Variants in CTNNBL1 observed in about 807,000 individuals in gnomAD.
CTNNBL1 encodes beta-catenin-like protein 1.
A neutral mutation model predicts 72.7 loss-of-function variants in CTNNBL1; 31 were observed. The ratio of observed to expected loss-of-function variants is 0.43; its 90% CI spans 0.32 to 0.58. The LOEUF is 0.58. Ranked by LOEUF, CTNNBL1 falls within the 20% of genes least tolerant of loss-of-function variation. The probability of loss-of-function intolerance (pLI) is 0.08; values close to 1 mark genes in which losing one functional copy is unlikely to be tolerated. For missense variants in CTNNBL1, 534 were observed against 725.1 expected (o/e 0.74, Z 3.03); for synonymous variants, 240 against 267.3 (o/e 0.90, Z 1.00).
chr20:37,699,144 T>A (rs2072818396), intron 1 of CTNNBL1, among the ~76,000 whole-genome samples: 2 of 152,234 alleles, frequency 1.3e-5, no homozygotes, highest in Non-Finnish European at 2.9e-5. Flanking sequence ...ATCTAAATCC[T>A]CATAACAACC....
Position 37,732,746 on chromosome 20 carries a change from T to A in CTNNBL1, c.31-133T>A, listed in dbSNP as rs2073140040. The A allele has an allele frequency of 2.8e-5, 19 of 681,038 alleles. No individual in the cohort carries two copies. In the South Asian group the frequency reaches 4.5e-4, roughly 16 times the overall value. 42.2% of individuals were successfully genotyped at this position (681,038 alleles called of 1,614,324 possible). A position where few individuals can be genotyped will look rare whatever the true frequency, so the allele number is the denominator to read the frequency against. On this transcript the variant is annotated intron_variant, in intron 1 of 15. Coordinates refer to ENST00000361383, the MANE Select transcript of CTNNBL1 (RefSeq NM_030877.5). ...AGGGTTTTACCATGTTGCCTCAGGC[T>A]GGTCTCAAACTCCTGGGCTCAAGAG...
chr20:37,722,237 G>C (rs1430129307), intron 1 of CTNNBL1, among the ~76,000 whole-genome samples: 4 of 152,118 alleles, frequency 2.6e-5, no homozygotes, highest in African/African-American at 9.7e-5. Context: ...ACTTTTGGAG[G>C]CCAAGGCAGG....
intron 10 of CTNNBL1, among the ~76,000 whole-genome samples, chr20:37,789,131 AT>A (rs1472918479): frequency 2.6e-5 from 4 of 152,214 alleles, no homozygotes; most frequent in Non-Finnish European, 5.9e-5. Flanking sequence ...GGAATTTCTC[AT>A]TTGCTCACAT....
At chr20:37,702,289 T>G (rs2122543429) in intron 1 of CTNNBL1, among the ~76,000 whole-genome samples, 1 of 152,376 alleles carries the variant, frequency 6.6e-6, no homozygotes, top group South Asian at 2.1e-4. Context: ...CATTATTTTC[T>G]TCTTGTGTGA....
chr20:37,717,819 A>G (rs923864068), intron 1 of CTNNBL1, among the ~76,000 whole-genome samples: 1 of 152,146 alleles, frequency 6.6e-6, no homozygotes, highest in African/African-American at 2.4e-5. Context: ...CTTAAGGAGC[A>G]TGCTGCCTTC....
intron 11 of CTNNBL1, among the ~76,000 whole-genome samples, chr20:37,831,557 G>A (rs924521075): frequency 1.3e-5 from 2 of 152,010 alleles, no homozygotes; most frequent in African/African-American, 4.8e-5. Flanking sequence ...TAGTAGTGAC[G>A]GGGTTTTACC....
intron 4 of CTNNBL1, among the ~76,000 whole-genome samples, chr20:37,756,829 T>C (rs919095860): frequency 6.6e-6 from 1 of 151,328 alleles, no homozygotes; most frequent in African/African-American, 2.4e-5. Flanking sequence ...AAATGTTTAG[T>C]AGAGTCAAGG....
chr20:37,737,404 G>A lies in CTNNBL1; in HGVS notation c.246G>A (p.Val82=). The A allele has an allele frequency of 6.2e-7, 1 of 1,613,770 alleles. No homozygotes were observed. Among genetic ancestry groups the A allele is most frequent in the East Asian group, 2.2e-5 (1 of 44,870 alleles). ...EEEEPLDESS[V]KKMILTFEKR... is the part of the protein sequence containing the mutation. ...AGGAGCCATTGGATGAAAGCTCAGT[G>A]AAGAAAATGATCCTCACATTTGAAA... The change falls in exon 3 of 16, where the codon GTG becomes GTA. Residue 82 remains valine, a synonymous_variant. Transcript: ENST00000361383.
intron 1 of CTNNBL1, among the ~76,000 whole-genome samples, chr20:37,696,796 A>G (rs2072797030): frequency 6.6e-6 from 1 of 152,172 alleles, no homozygotes; most frequent in Admixed American, 6.5e-5. Flanking sequence ...ATGTTGAATA[A>G]ATGATAACAC....
intron 10 of CTNNBL1, among the ~76,000 whole-genome samples, chr20:37,786,044 A>C (rs990939167): frequency 6.6e-6 from 1 of 152,242 alleles, no homozygotes; most frequent in African/African-American, 2.4e-5. Flanking sequence ...AAAATCGAAG[A>C]GAATTCCCTG....
At chr20:37,860,740 TACAC>T (rs1377954315) in intron 15 of CTNNBL1, among the ~76,000 whole-genome samples, 3 of 152,234 alleles carry the variant, frequency 2.0e-5, no homozygotes, top group Non-Finnish European at 4.4e-5. Context: ...TGCTTTCAGT[TACAC>T]ACAGTCAACT....
intron 5 of CTNNBL1, among the ~76,000 whole-genome samples, chr20:37,763,080 CA>C (rs2073432822): frequency 1.3e-5 from 2 of 152,178 alleles, no homozygotes. Flanking sequence ...ATTGGTGTAG[CA>C]GTTTGCAGAA....
intron 10 of CTNNBL1, among the ~76,000 whole-genome samples, chr20:37,786,836 G>A (rs1415487368): frequency 6.6e-6 from 1 of 151,982 alleles, no homozygotes; most frequent in Non-Finnish European, 1.5e-5. Context: ...AAGTGATTAA[G>A]TCTTATTTTC....
chr20:37,803,043 A>G lies in CTNNBL1; in HGVS notation c.1208A>G (p.His403Arg), dbSNP rs2073836044. Reference sequence around the variant, plus strand: ...AAAGTGGGAACCACTGAGAAGGAACATGAAGGTAGGGTTCACTGGAGGAGT... The same window carrying G: ...AAAGTGGGAACCACTGAGAAGGAACGTGAAGGTAGGGTTCACTGGAGGAGT... ...IKKVGTTEKE[H>R]EEHVCSILAS... The change falls in exon 11 of 16, where the codon CAT (histidine) becomes CGT (arginine). Residue 403 changes from histidine (H) to arginine (R), a missense_variant. Physicochemically the swap from His to Arg is conservative, Grantham distance 29 (BLOSUM62 0). Coordinates refer to ENST00000361383, the MANE Select transcript of CTNNBL1 (RefSeq NM_030877.5). The G allele has an allele frequency of 2.5e-6, 4 of 1,613,790 alleles. No homozygotes were observed. Among genetic ancestry groups the G allele is most frequent in the Non-Finnish European group, 3.4e-6 (4 of 1,179,744 alleles).
chr20:37,768,093 G>A, intron 7 of CTNNBL1, 49 bp downstream of exon 7: 1 of 1,480,492 alleles, frequency 6.8e-7, no homozygotes, highest in African/African-American at 1.4e-5. Context: ...TTTGCTCTGG[G>A]CTTGATTGAT....
At position 37,772,752 on chromosome 20, in the gene CTNNBL1, G is replaced by A. The variant is rs1239246290; in HGVS notation, c.751-4593G>A. Among the ~76,000 whole-genome samples, 4 of 152,240 alleles carry A rather than the reference G, an allele frequency of 2.6e-5. No homozygotes were observed. In the South Asian group the frequency reaches 8.3e-4, roughly 32 times the overall value. On this transcript the variant is annotated intron_variant, in intron 7 of 15. Transcript: ENST00000361383. ...TCTAGATTGCTTGATAAAACCTTAC[G>A]ATTTGACTGATCATCTCATATTTAT... is the stretch of plus-strand genomic sequence containing the variant.
chr20:37,792,448 G>A lies in CTNNBL1; in HGVS notation c.1032-10419G>A, dbSNP rs6020954. On this transcript the variant is annotated intron_variant, in intron 10 of 15. Transcript: ENST00000361383. ...CTCAGCCTCCTAAGTAGCTGGGACT[G>A]TAGGAATGCACCATGATGCTGGGCT... is the stretch of plus-strand genomic sequence containing the variant. 3.2e-3 allele frequency among the ~76,000 whole-genome samples: 488 copies of A among 152,178 alleles called. 7 individuals are homozygous for A. The highest frequency in any genetic ancestry group is 0.011 in the African/African-American group (440 of 41,532).
At chr20:37,796,045 T>A (rs1010771276) in intron 10 of CTNNBL1, among the ~76,000 whole-genome samples, 1 of 152,172 alleles carries the variant, frequency 6.6e-6, no homozygotes, top group African/African-American at 2.4e-5. Context: ...AGTCTATGGC[T>A]AATAATGCCT....
intron 4 of CTNNBL1, chr20:37,756,257 T>C (rs2073362084): frequency 6.6e-6 from 1 of 152,264 alleles, no homozygotes; most frequent in South Asian, 2.1e-4. Context: ...GTTTTTAAAA[T>C]TGTTTTAGAT....
Sources: gnomAD v4.1 joint callset for allele counts (sites outside exome capture counted in the v4.1 genomes callset) on GRCh38, gnomAD v4.1.1 for gene constraint, MANE v1.5 for transcripts, NCBI Gene and HGNC (gene_info 2026-07-23, HGNC 2026-07-21) for gene names.